PARD3B: variants seen among roughly 807,000 people sequenced by gnomAD.
PARD3B encodes the protein par-3 family cell polarity regulator beta.
A neutral mutation model predicts 130.2 loss-of-function variants in PARD3B; 103 were observed. The ratio of observed to expected loss-of-function variants is 0.79; its 90% confidence interval spans 0.67 to 0.93. PARD3B has a LOEUF of 0.93. Among genes scored for constraint, PARD3B ranks in the 40% least tolerant of loss-of-function variants. The probability of loss-of-function intolerance (pLI) is 0.00; values close to 1 mark genes in which losing one functional copy is unlikely to be tolerated. For missense variants in PARD3B, 1,609 were observed against 1,499.2 expected (o/e 1.07, Z -1.21); for synonymous variants, 583 against 553.2 (o/e 1.05, Z -0.76).
intron 16 of PARD3B, among the ~76,000 whole-genome samples, chr2:205,247,422 T>C (rs1261406491): frequency 6.6e-6 from 1 of 152,184 alleles, no homozygotes; most frequent in Admixed American, 6.5e-5. Flanking sequence ...GAAATAATAA[T>C]CTTCCAAAAA....
intron 18 of PARD3B, among the ~76,000 whole-genome samples, chr2:205,363,832 CTTTTT>C (rs59271830): frequency 4.1e-5 from 4 of 97,170 alleles, no homozygotes; most frequent in African/African-American, 1.9e-4. Context: ...GCCTGACTGA[CTTTTT>C]TTTTTTTTTT....
At chr2:204,718,800 T>C (rs547954694) in intron 2 of PARD3B, among the ~76,000 whole-genome samples, 1 of 152,356 alleles carries the variant, frequency 6.6e-6, no homozygotes, top group South Asian at 2.1e-4. Context: ...CTTTGAGATA[T>C]GTGTATCCCT....
intron 16 of PARD3B, among the ~76,000 whole-genome samples, chr2:205,247,505 C>A (rs2039621136): frequency 6.6e-6 from 1 of 152,234 alleles, no homozygotes; most frequent in Non-Finnish European, 1.5e-5. Flanking sequence ...AGCAACTTCA[C>A]TTTAGCTGAT....
At chr2:204,764,494 A>G (rs546010308) in intron 2 of PARD3B, among the ~76,000 whole-genome samples, 106 of 152,154 alleles carry the variant, frequency 7.0e-4, no homozygotes, top group Admixed American at 1.0e-3. Context: ...AAAGAATTTT[A>G]CCGAGGACCC....
chr2:205,355,231 C>T (rs781583533), intron 18 of PARD3B, among the ~76,000 whole-genome samples: 2 of 152,134 alleles, frequency 1.3e-5, no homozygotes, highest in Non-Finnish European at 2.9e-5. Flanking sequence ...TCATGCATGA[C>T]GTACCAGTTC....
chr2:205,085,432 G>T lies in PARD3B; in HGVS notation c.505-18994G>T, dbSNP rs531986112. 4.0e-5 allele frequency among the ~76,000 whole-genome samples: 6 copies of T among 151,800 alleles called. 1 individual carries two copies. The South Asian group carries it at 1.2e-3, about 32-fold the overall frequency. On this transcript the variant is annotated intron_variant, in intron 4 of 22. Transcript: ENST00000406610. Reference sequence around the variant, plus strand: ...CATTTTAAAACATGGAAAATCTTTAGAACTTTTTTCTTAAAAAGAATAGAC... The same window carrying T: ...CATTTTAAAACATGGAAAATCTTTATAACTTTTTTCTTAAAAAGAATAGAC...
At chr2:204,905,250 C>G (rs1413730358) in intron 2 of PARD3B, among the ~76,000 whole-genome samples, 1 of 152,036 alleles carries the variant, frequency 6.6e-6, no homozygotes, top group Non-Finnish European at 1.5e-5. Flanking sequence ...AGCAGTGCCC[C>G]GGGATGTGAT....
At chr2:204,868,189 G>T (rs1311792262) in intron 2 of PARD3B, among the ~76,000 whole-genome samples, 3 of 152,148 alleles carry the variant, frequency 2.0e-5, no homozygotes, top group African/African-American at 7.2e-5. Context: ...AATAGATAGG[G>T]ACTGTGCTTA....
At chr2:205,150,048 C>CATTA (rs1351312232) in intron 10 of PARD3B, among the ~76,000 whole-genome samples, 1 of 152,160 alleles carries the variant, frequency 6.6e-6, no homozygotes, top group Non-Finnish European at 1.5e-5. Context: ...AGGTGCTGGG[C>CATTA]ATTAGGCCTA....
At chr2:205,082,808 C>A (rs1297337781) in intron 4 of PARD3B, among the ~76,000 whole-genome samples, 1 of 152,042 alleles carries the variant, frequency 6.6e-6, no homozygotes, top group Non-Finnish European at 1.5e-5. Flanking sequence ...AAATTTGAAG[C>A]CTTTGCTTTA....
chr2:205,233,849 A>G (rs536928041), intron 15 of PARD3B, among the ~76,000 whole-genome samples: 4 of 152,228 alleles, frequency 2.6e-5, no homozygotes, highest in Non-Finnish European at 4.4e-5. Context: ...TGACAACAGA[A>G]TGGTTATGTA....
chr2:204,843,665 G>A (rs183383530), intron 2 of PARD3B, among the ~76,000 whole-genome samples: 3 of 152,164 alleles, frequency 2.0e-5, no homozygotes, highest in African/African-American at 4.8e-5. Flanking sequence ...GTGAGCCACC[G>A]CGCCCAGTCC....
At chr2:205,472,248 G>T (rs988168994) in intron 20 of PARD3B, among the ~76,000 whole-genome samples, 67 of 152,098 alleles carry the variant, frequency 4.4e-4, no homozygotes, top group African/African-American at 1.5e-3. Flanking sequence ...ACCGTCTCTG[G>T]ATTTATACAC....
At chr2:205,228,857 T>G (rs1478542280) in intron 15 of PARD3B, among the ~76,000 whole-genome samples, 2 of 152,186 alleles carry the variant, frequency 1.3e-5, no homozygotes, top group South Asian at 4.1e-4. Context: ...CACTGATTCT[T>G]TCTTTTGCTT....
chr2:204,667,748 G>A (rs1445174615), intron 1 of PARD3B, among the ~76,000 whole-genome samples: 2 of 152,142 alleles, frequency 1.3e-5, no homozygotes, highest in African/African-American at 4.8e-5. Flanking sequence ...AGTGAGAAAA[G>A]GCAGCGCTTT....
At chr2:205,248,380 TTGGTGGTGGTGGTGG>T (rs751935440) in intron 16 of PARD3B, among the ~76,000 whole-genome samples, 85 of 145,360 alleles carry the variant, frequency 5.8e-4, no homozygotes, top group African/African-American at 9.2e-4. Context: ...TCATTGGGAT[TTGGTGGTGGTGGTGG>T]TGGTGGTGGT....
intron 1 of PARD3B, among the ~76,000 whole-genome samples, chr2:204,589,975 C>A (rs1480949140): frequency 2.0e-5 from 3 of 152,156 alleles, no homozygotes; most frequent in African/African-American, 7.2e-5. Flanking sequence ...TACAATCAAG[C>A]AAATCCCTTC....
intron 2 of PARD3B, among the ~76,000 whole-genome samples, chr2:204,858,361 G>T (rs901508787): frequency 2.0e-5 from 3 of 151,886 alleles, no homozygotes; most frequent in Non-Finnish European, 4.4e-5. Context: ...ATACACAATA[G>T]AATATTATTC....
chr2:205,392,537 A>G (rs970145251), intron 18 of PARD3B, among the ~76,000 whole-genome samples: 2 of 152,232 alleles, frequency 1.3e-5, no homozygotes, highest in African/African-American at 4.8e-5. Context: ...TAAATAACAT[A>G]TCAAAATTTA....
Sources: allele counts gnomAD v4.1 joint callset (sites outside exome capture counted in the v4.1 genomes callset), GRCh38; gene constraint gnomAD v4.1.1; transcripts MANE v1.5; gene names NCBI Gene and HGNC (gene_info 2026-07-23, HGNC 2026-07-21).